The following TENM1 variants were observed in gnomAD, a reference collection of about 807,000 sequenced individuals.
TENM1 encodes teneurin transmembrane protein 1.
Under a neutral mutation model 174.8 loss-of-function variants are expected in TENM1, and 35 were observed. That is an observed-to-expected ratio of 0.20 (90% CI 0.15 to 0.27). The LOEUF (loss-of-function observed/expected upper bound fraction) is 0.27, where lower values mean the gene tolerates loss of function less well. TENM1 is among the 10% of genes least tolerant of loss of function. TENM1 has a pLI of 1.00. For synonymous variants in TENM1, 781 were observed against 798.7 expected, an observed-to-expected ratio of 0.98 and a Z score of 0.37; for missense variants, 1,633 against 2,130.1, an observed-to-expected ratio of 0.77 and a Z score of 4.59.
chrX:124,414,920 C>A (rs1299507987), intron 25 of TENM1, among the ~76,000 whole-genome samples: 2 of 111,941 alleles, frequency 1.8e-5, no homozygotes, highest in East Asian at 5.6e-4. Flanking sequence ...TATACTTCCA[C>A]CTGTGCAAAC....
chrX:124,736,070 C>T (rs746516279), intron 4 of TENM1, among the ~76,000 whole-genome samples: 3 of 110,975 alleles, frequency 2.7e-5, no homozygotes, highest in Admixed American at 9.6e-5. Context: ...CATGTATCCC[C>T]GAATCTATAA....
the TENM1 span, among the ~76,000 whole-genome samples, chrX:125,075,246 T>C: frequency 8.9e-6 from 1 of 112,069 alleles, no homozygotes; most frequent in South Asian, 3.7e-4. Context: ...TTGCACAATC[T>C]ATTTTGCATG....
At chrX:124,448,179 T>G in intron 23 of TENM1, among the ~76,000 whole-genome samples, 1 of 112,346 alleles carries the variant, frequency 8.9e-6, no homozygotes, top group South Asian at 3.7e-4. Context: ...TATGAGATTT[T>G]AGGTTCAGCC....
intron 4 of TENM1, among the ~76,000 whole-genome samples, chrX:124,728,073 G>GT (rs2053482593): frequency 9.0e-6 from 1 of 110,725 alleles, no homozygotes. Flanking sequence ...TCACAGGACT[G>GT]TGCCACCAAA....
At chrX:124,720,267 G>T (rs1047488276) in intron 4 of TENM1, among the ~76,000 whole-genome samples, 2 of 111,822 alleles carry the variant, frequency 1.8e-5, no homozygotes, top group African/African-American at 6.5e-5. Context: ...CCTTAAGTCT[G>T]ATAAGAAACA....
chrX:125,089,447 T>A, the TENM1 span, among the ~76,000 whole-genome samples: 1 of 111,944 alleles, frequency 8.9e-6, no homozygotes, highest in Admixed American at 9.5e-5. Context: ...TGAGAAGATA[T>A]CATCCCCTAA....
the TENM1 span, among the ~76,000 whole-genome samples, chrX:125,110,304 T>C: frequency 1.8e-5 from 2 of 111,732 alleles, no homozygotes; most frequent in East Asian, 2.8e-4. Context: ...AAGTTGGGTA[T>C]TTCTGACTTA....
chrX:124,999,590 A>G, the TENM1 span, among the ~76,000 whole-genome samples: 1 of 111,269 alleles, frequency 9.0e-6, no homozygotes, highest in East Asian at 2.8e-4. Context: ...ACAGTGAGAG[A>G]CAAGCATAGA....
At chrX:124,813,823 T>TA (rs1569453251) in intron 3 of TENM1, among the ~76,000 whole-genome samples, 2 of 110,772 alleles carry the variant, frequency 1.8e-5, no homozygotes, top group Non-Finnish European at 3.8e-5. Context: ...GGTTGAACTA[T>TA]AAAAAAATGC....
the TENM1 span, among the ~76,000 whole-genome samples, chrX:124,978,646 T>C: frequency 1.8e-5 from 2 of 111,771 alleles, no homozygotes; most frequent in African/African-American, 6.5e-5. Context: ...TTCCTACGGG[T>C]CACTCCTGTG....
At chrX:124,624,289 T>C (rs1229722773) in intron 11 of TENM1, among the ~76,000 whole-genome samples, 1 of 111,653 alleles carries the variant, frequency 9.0e-6, no homozygotes, top group African/African-American at 3.3e-5. Context: ...TCACTGGGAA[T>C]GGGGTTTCTT....
intron 4 of TENM1, among the ~76,000 whole-genome samples, chrX:124,723,417 C>T (rs1466951492): frequency 9.0e-6 from 1 of 111,113 alleles, no homozygotes; most frequent in East Asian, 2.8e-4. Context: ...GCTGGCCTTT[C>T]TCCTCTATGA....
chrX:125,176,531 G>A, the TENM1 span, among the ~76,000 whole-genome samples: 2 of 111,318 alleles, frequency 1.8e-5, no homozygotes, highest in Non-Finnish European at 3.8e-5. Flanking sequence ...CAGACTTTAT[G>A]GAAATAACCT....
At chrX:125,102,821 A>G in the TENM1 span, among the ~76,000 whole-genome samples, 2 of 112,098 alleles carry the variant, frequency 1.8e-5, no homozygotes, top group Non-Finnish European at 3.8e-5. Context: ...CATTGCCTCT[A>G]TTTCAGGTCT....
chrX:124,961,207 C>T (rs752417797), intron 1 of TENM1, among the ~76,000 whole-genome samples: 2 of 111,980 alleles, frequency 1.8e-5, no homozygotes, highest in Non-Finnish European at 3.8e-5. Context: ...ACTTATATTT[C>T]AGTTGATAGC....
chrX:125,090,126 T>C, the TENM1 span, among the ~76,000 whole-genome samples: 1 of 111,928 alleles, frequency 8.9e-6, no homozygotes, highest in African/African-American at 3.3e-5. Context: ...TGTTGTTTAT[T>C]CTTTCAAGTG....
chrX:124,883,061 T>A (rs1448953330), intron 3 of TENM1, among the ~76,000 whole-genome samples: 1 of 112,282 alleles, frequency 8.9e-6, no homozygotes, highest in Non-Finnish European at 1.9e-5. Context: ...TCATAAATTA[T>A]TTTTTCATTA....
chrX:124,566,230 T>G (rs915895044), intron 11 of TENM1, among the ~76,000 whole-genome samples: 1 of 111,963 alleles, frequency 8.9e-6, no homozygotes, highest in Non-Finnish European at 1.9e-5. Context: ...AACCAGCTGG[T>G]TTCCCTGATC....
intron 22 of TENM1, among the ~76,000 whole-genome samples, chrX:124,461,461 C>A (rs749486876): frequency 4.3e-4 from 48 of 111,851 alleles, no homozygotes; most frequent in African/African-American, 1.5e-3. Flanking sequence ...GTGTTTATTG[C>A]AGCACTATTC....
Sources: allele counts gnomAD v4.1 joint callset (sites outside exome capture counted in the v4.1 genomes callset), GRCh38; gene constraint gnomAD v4.1.1; transcripts MANE v1.5; gene names NCBI Gene and HGNC (gene_info 2026-07-23, HGNC 2026-07-21).